The following GABBR2 variants were observed in gnomAD, a reference collection of about 807,000 sequenced individuals.
GABBR2 encodes the protein gamma-aminobutyric acid type B receptor subunit 2.
Under a neutral mutation model 105.6 loss-of-function variants are expected in GABBR2, and 23 were observed. That is an observed-to-expected ratio of 0.22 (90% CI 0.16 to 0.31). GABBR2 has a LOEUF of 0.31. Among genes scored for constraint, GABBR2 ranks in the 10% least tolerant of loss-of-function variants. The pLI, the probability that GABBR2 is intolerant of heterozygous loss-of-function variation, is 1.00. For missense variants in GABBR2, 734 were observed against 1,245.5 expected (o/e 0.59, Z 6.18); for synonymous variants, 478 against 499.7 (o/e 0.96, Z 0.58).
intron 1 of GABBR2, among the ~76,000 whole-genome samples, chr9:98,676,560 T>C (rs774799149): frequency 6.6e-6 from 1 of 152,236 alleles, no homozygotes; most frequent in Non-Finnish European, 1.5e-5. Context: ...CATCTTCAGC[T>C]TTAGGACAAG....
At chr9:98,546,111 G>A (rs1828395821) in intron 2 of GABBR2, among the ~76,000 whole-genome samples, 1 of 152,026 alleles carries the variant, frequency 6.6e-6, no homozygotes, top group Admixed American at 6.6e-5. Flanking sequence ...GTCTGCTTTT[G>A]GAATTTATTG....
intron 1 of GABBR2, among the ~76,000 whole-genome samples, chr9:98,615,231 T>C (rs1829563440): frequency 6.6e-6 from 1 of 152,120 alleles, no homozygotes; most frequent in African/African-American, 2.4e-5. Context: ...TCAATGCAGA[T>C]GGTCTGGATG....
intron 13 of GABBR2, among the ~76,000 whole-genome samples, chr9:98,323,245 C>A (rs146252899): frequency 1.3e-5 from 2 of 152,230 alleles, no homozygotes. Flanking sequence ...AAGGGCCCCA[C>A]GACAGTGCTC....
At chr9:98,392,406 T>C (rs998218406) in intron 9 of GABBR2, among the ~76,000 whole-genome samples, 1 of 152,236 alleles carries the variant, frequency 6.6e-6, no homozygotes, top group African/African-American at 2.4e-5. Context: ...AGGGCTCTGG[T>C]GGTTACAACA....
At chr9:98,596,880 A>G (rs1564125998) in intron 1 of GABBR2, among the ~76,000 whole-genome samples, 1 of 151,944 alleles carries the variant, frequency 6.6e-6, no homozygotes, top group African/African-American at 2.4e-5. Flanking sequence ...CCTACTCCCA[A>G]TATGCATGGG....
chr9:98,507,603 G>A (rs1827539706), intron 3 of GABBR2, among the ~76,000 whole-genome samples: 1 of 152,174 alleles, frequency 6.6e-6, no homozygotes, highest in African/African-American at 2.4e-5. Flanking sequence ...ATGATGATTT[G>A]TTGCAGCAGA....
In GABBR2 at chr9:98,318,768, T is replaced by C. The variant is rs184610586; in HGVS notation, c.1894-7563A>G. 8.2e-4 allele frequency among the ~76,000 whole-genome samples: 125 copies of C among 152,274 alleles called. 2 individuals are homozygous for C. In the East Asian group the frequency reaches 0.022, roughly 27 times the overall value. On this transcript the variant is annotated intron_variant, in intron 13 of 18. Coordinates refer to ENST00000259455, the MANE Select transcript of GABBR2 (RefSeq NM_005458.8). ...TCCCAGAAGTTGGCATGCAGAACTT[T>C]CTCCCTGGGCCATACCTGCCTCTTT...
At chr9:98,689,416 G>C (rs918676677) in intron 1 of GABBR2, among the ~76,000 whole-genome samples, 3 of 152,226 alleles carry the variant, frequency 2.0e-5, no homozygotes, top group African/African-American at 7.2e-5. Flanking sequence ...TACCTATAAA[G>C]TCCTTAGAAG....
At chr9:98,362,624 C>T in intron 13 of GABBR2, 91 bp downstream of exon 13, 1 of 1,032,762 alleles carries the variant, frequency 9.7e-7, no homozygotes, top group Non-Finnish European at 1.3e-6. Flanking sequence ...CAGTGGGGTA[C>T]TGGGCAGTCT....
intron 1 of GABBR2, among the ~76,000 whole-genome samples, chr9:98,616,591 T>C (rs993756831): frequency 6.6e-6 from 1 of 151,948 alleles, no homozygotes; most frequent in Middle Eastern, 3.2e-3. Context: ...CCTTCTCTAC[T>C]AAAAATACAA....
At chr9:98,486,506 C>A (rs1827052964) in intron 4 of GABBR2, among the ~76,000 whole-genome samples, 1 of 152,182 alleles carries the variant, frequency 6.6e-6, no homozygotes, top group Non-Finnish European at 1.5e-5. Context: ...CAAGGAAGGT[C>A]AAGCTCGACC....
Position 98,480,982 on chromosome 9 carries a change from T to G in GABBR2, c.748A>C (p.Ile250Leu). ...VKKLKGNDVR[I>L]ILGQFDQNMA... ...TTCTGGTCAAACTGGCCAAGGATGA[T>G]CCGCACATCATTCCCCTGTGGATGG... The change falls in exon 5 of 19, where the codon ATC (isoleucine) becomes CTC (leucine). Residue 250 changes from isoleucine to leucine, a missense_variant. By Grantham distance (5) the Ile-to-Leu change is conservative. Coordinates refer to ENST00000259455, the MANE Select transcript of GABBR2 (RefSeq NM_005458.8). 1.9e-6 allele frequency: 3 copies of G among 1,603,794 alleles called. No individual in the cohort carries two copies. The highest frequency in any genetic ancestry group is 2.6e-6 in the Non-Finnish European group (3 of 1,170,604).
intron 1 of GABBR2, among the ~76,000 whole-genome samples, chr9:98,695,545 C>T (rs988679543): frequency 6.6e-5 from 10 of 152,216 alleles, no homozygotes; most frequent in Admixed American, 6.5e-4. Flanking sequence ...TGGCCTCAAA[C>T]ACACAGTCCC....
At chr9:98,507,388 G>A (rs754491182) in intron 3 of GABBR2, among the ~76,000 whole-genome samples, 4 of 152,110 alleles carry the variant, frequency 2.6e-5, no homozygotes, top group Non-Finnish European at 4.4e-5. Context: ...TCTGCTGCTG[G>A]CTTTGAAAGT....
At chr9:98,620,876 C>G (rs568844172) in intron 1 of GABBR2, among the ~76,000 whole-genome samples, 1 of 152,254 alleles carries the variant, frequency 6.6e-6, no homozygotes, top group East Asian at 1.9e-4. Flanking sequence ...CTACCTTCCA[C>G]CTCTGAGTCT....
intron 1 of GABBR2, among the ~76,000 whole-genome samples, chr9:98,708,182 A>C (rs556755430): frequency 3.6e-4 from 47 of 132,304 alleles, no homozygotes; most frequent in Non-Finnish European, 4.4e-4. Flanking sequence ...ACCCCTCCCC[A>C]CACACACATA....
At chr9:98,387,767 GTAAAA>G (rs772674713) in intron 10 of GABBR2, among the ~76,000 whole-genome samples, 9 of 150,918 alleles carry the variant, frequency 6.0e-5, no homozygotes, top group East Asian at 5.8e-4. Context: ...TCTTAAAAAA[GTAAAA>G]TAAAATAAAA....
chr9:98,352,074 T>C (rs780004317), intron 13 of GABBR2, among the ~76,000 whole-genome samples: 1 of 152,196 alleles, frequency 6.6e-6, no homozygotes, highest in Non-Finnish European at 1.5e-5. Context: ...CTCTGTATGA[T>C]TTCTTTGGCT....
intron 2 of GABBR2, among the ~76,000 whole-genome samples, chr9:98,546,348 T>A (rs928334137): frequency 2.0e-5 from 3 of 152,234 alleles, no homozygotes; most frequent in Non-Finnish European, 4.4e-5. Flanking sequence ...CTCTGACCAT[T>A]TCTTCATGTA....
Sources: gnomAD v4.1 joint callset for allele counts (sites outside exome capture counted in the v4.1 genomes callset) on GRCh38, gnomAD v4.1.1 for gene constraint, MANE v1.5 for transcripts, NCBI Gene and HGNC (gene_info 2026-07-23, HGNC 2026-07-21) for gene names.